Variants in PHACTR1 observed in about 807,000 individuals in gnomAD.
The protein encoded by PHACTR1 is phosphatase and actin regulator 1.
PHACTR1 carries 16 observed loss-of-function variants against 69.2 expected under a neutral mutation model. The ratio of observed to expected loss-of-function variants is 0.23; its 90% confidence interval spans 0.16 to 0.35. The LOEUF (loss-of-function observed/expected upper bound fraction) is 0.35, where lower values mean the gene tolerates loss of function less well. Among genes scored for constraint, PHACTR1 ranks in the 10% least tolerant of loss-of-function variants. The pLI, the probability that PHACTR1 is intolerant of heterozygous loss-of-function variation, is 1.00. For synonymous variants in PHACTR1, 312 were observed against 284.5 expected (o/e 1.10, Z -0.97); for missense variants, 510 against 734.7 (o/e 0.69, Z 3.54).
chr6:13,168,596 T>G (rs749792209), intron 6 of PHACTR1, among the ~76,000 whole-genome samples: 1 of 152,076 alleles, frequency 6.6e-6, no homozygotes, highest in Admixed American at 6.5e-5. Context: ...GCAGTTACAA[T>G]GGAGAAAGGA....
At position 13,245,184 on chromosome 6, in the gene PHACTR1, C is replaced by A. The variant is rs1381094316; in HGVS notation, c.1391+14991C>A. 5.9e-5 allele frequency among the ~76,000 whole-genome samples: 9 copies of A among 152,168 alleles called. No homozygotes were observed. Among genetic ancestry groups the A allele is most frequent in the Admixed American group, 5.9e-4 (9 of 15,278 alleles). ...CTTTATGGTAGAATGATTTCTGTTC[C>A]TTTGGGTATATACCCAGTAACGGGA... is the stretch of plus-strand genomic sequence containing the variant. On this transcript the variant is annotated intron_variant, in intron 10 of 14. Transcript: ENST00000332995. This position sits in a 1 kb window ranked among gnomAD's most constrained non-coding sequence, Gnocchi z 4.1.
At chr6:12,732,778 C>A (rs1337301552) in intron 3 of PHACTR1, among the ~76,000 whole-genome samples, 1 of 152,092 alleles carries the variant, frequency 6.6e-6, no homozygotes, top group Non-Finnish European at 1.5e-5. Context: ...TAAAATAATT[C>A]TTTTTACCTT....
chr6:13,148,437 C>T (rs1823781418), intron 5 of PHACTR1, among the ~76,000 whole-genome samples: 1 of 152,196 alleles, frequency 6.6e-6, no homozygotes, highest in African/African-American at 2.4e-5. Flanking sequence ...CTAATATGAT[C>T]TAATACCCAG....
chr6:12,849,578 C>T (rs918447682), intron 4 of PHACTR1, among the ~76,000 whole-genome samples: 2 of 152,006 alleles, frequency 1.3e-5, no homozygotes, highest in Admixed American at 6.6e-5. Context: ...TCCATATGGG[C>T]GGGAAGTGCA....
At chr6:12,895,185 T>C (rs1019025474) in intron 4 of PHACTR1, among the ~76,000 whole-genome samples, 50 of 145,026 alleles carry the variant, frequency 3.4e-4, no homozygotes, top group African/African-American at 5.5e-4. Flanking sequence ...TTCTTTTTTT[T>C]TTTTTTTTTT....
chr6:13,027,453 C>T lies in PHACTR1; in HGVS notation c.251-25912C>T, dbSNP rs371857150. 2.5e-4 allele frequency among the ~76,000 whole-genome samples: 38 copies of T among 152,220 alleles called. 1 individual carries two copies. The highest frequency in any genetic ancestry group is 8.7e-4 in the African/African-American group (36 of 41,538). On this transcript the variant is annotated intron_variant, in intron 4 of 14. Transcript: ENST00000332995. Reference sequence around the variant, plus strand: ...AGTCCTCGGGTCCATGTTACTGCAACAGAAACCAGCAGAAGCTGTGCTCTT... The same window carrying T: ...AGTCCTCGGGTCCATGTTACTGCAATAGAAACCAGCAGAAGCTGTGCTCTT...
chr6:13,014,476 T>C (rs1799877844), intron 4 of PHACTR1, among the ~76,000 whole-genome samples: 1 of 152,218 alleles, frequency 6.6e-6, no homozygotes, highest in African/African-American at 2.4e-5. Flanking sequence ...TGCTTTTTCC[T>C]TCCATGGGCT....
At chr6:13,006,000 G>T (rs1199986307) in intron 4 of PHACTR1, among the ~76,000 whole-genome samples, 1 of 152,114 alleles carries the variant, frequency 6.6e-6, no homozygotes, top group East Asian at 1.9e-4. Flanking sequence ...TTAGGATTCT[G>T]TCCTAAAGGC....
chr6:12,767,644 AG>A (rs982232194), intron 4 of PHACTR1, among the ~76,000 whole-genome samples: 3 of 152,170 alleles, frequency 2.0e-5, no homozygotes, highest in African/African-American at 7.2e-5. Context: ...AAACCAGATT[AG>A]GGTTTTACAT....
chr6:13,104,198 A>C (rs1410939207), intron 5 of PHACTR1, among the ~76,000 whole-genome samples: 2 of 152,188 alleles, frequency 1.3e-5, no homozygotes, highest in Non-Finnish European at 2.9e-5. Context: ...AATTTAGTTA[A>C]TATTTCTCTT....
intron 10 of PHACTR1, among the ~76,000 whole-genome samples, chr6:13,251,000 T>TACAC (rs137996162): frequency 1.1e-3 from 164 of 151,602 alleles, no homozygotes; most frequent in African/African-American, 3.8e-3. Flanking sequence ...ATATCCATTT[T>TACAC]ACACACACAC....
chr6:13,026,367 CCT>C (rs1235829074), intron 4 of PHACTR1, among the ~76,000 whole-genome samples: 1 of 152,138 alleles, frequency 6.6e-6, no homozygotes, highest in Non-Finnish European at 1.5e-5. Flanking sequence ...ATTCAGTCTC[CCT>C]GTGTTTTAAA....
intron 4 of PHACTR1, among the ~76,000 whole-genome samples, chr6:13,049,682 A>T (rs1379607104): frequency 6.6e-6 from 1 of 152,208 alleles, no homozygotes; most frequent in Non-Finnish European, 1.5e-5. Flanking sequence ...GAGAAGTACT[A>T]GAAGATCATT....
chr6:13,187,775 G>A (rs1466756912), intron 7 of PHACTR1, among the ~76,000 whole-genome samples: 2 of 152,164 alleles, frequency 1.3e-5, no homozygotes, highest in Non-Finnish European at 2.9e-5. Flanking sequence ...CCTGAGCCAC[G>A]GATACCATTG....
chr6:13,144,734 G>C (rs1267905829), intron 5 of PHACTR1, among the ~76,000 whole-genome samples: 3 of 138,594 alleles, frequency 2.2e-5, no homozygotes, highest in Non-Finnish European at 4.5e-5. Context: ...CCACTCCACT[G>C]TACTCCAGCC....
rs555216796 is a variant in PHACTR1 at position 12,858,379 on chromosome 6, C to T, written c.250+108589C>T. On this transcript the variant is annotated intron_variant, in intron 4 of 14. Coordinates refer to ENST00000332995, the MANE Select transcript of PHACTR1 (RefSeq NM_030948.6). ...AATTTAGAGGTAAATATATAACTGTCCAGTGCCCTAGTTATTTACACTTTC... is the reference window on the plus strand; with the variant it reads ...AATTTAGAGGTAAATATATAACTGTTCAGTGCCCTAGTTATTTACACTTTC... Among the ~76,000 whole-genome samples the T allele has an allele frequency of 3.9e-5, 6 of 152,282 alleles. No homozygotes were observed. In the South Asian group the frequency reaches 8.3e-4, roughly 21 times the overall value.
At chr6:13,180,562 C>T (rs1762050344) in intron 6 of PHACTR1, among the ~76,000 whole-genome samples, 1 of 152,130 alleles carries the variant, frequency 6.6e-6, no homozygotes, top group Admixed American at 6.5e-5. Flanking sequence ...CATCCTTCCC[C>T]CAAAGAAGCA....
At chr6:12,755,964 T>C (rs1767268710) in intron 4 of PHACTR1, among the ~76,000 whole-genome samples, 1 of 152,140 alleles carries the variant, frequency 6.6e-6, no homozygotes, top group South Asian at 2.1e-4. Flanking sequence ...AGCCATGAAA[T>C]ACAAAGAAAC....
At chr6:13,216,600 T>G (rs1767716158) in intron 8 of PHACTR1, among the ~76,000 whole-genome samples, 1 of 152,218 alleles carries the variant, frequency 6.6e-6, no homozygotes, top group Non-Finnish European at 1.5e-5. Flanking sequence ...CTCTTCAAAA[T>G]CTCACACAAT....
Sources: gnomAD v4.1 joint callset for allele counts (sites outside exome capture counted in the v4.1 genomes callset) on GRCh38, gnomAD v4.1.1 for gene constraint, Gnocchi (gnomAD v3.1) non-coding constraint, MANE v1.5 for transcripts, NCBI Gene and HGNC (gene_info 2026-07-23, HGNC 2026-07-21) for gene names.